ZC3H12D: variants seen among roughly 807,000 people sequenced by gnomAD.
The protein encoded by ZC3H12D is zinc finger CCCH-type containing 12D.
ZC3H12D carries 11 observed loss-of-function variants against 24.2 expected under a neutral mutation model. The observed-to-expected ratio is 0.46, with a 90% CI of 0.29 to 0.75. The LOEUF (loss-of-function observed/expected upper bound fraction) is 0.75. Among genes scored for constraint, ZC3H12D ranks in the 30% least tolerant of loss-of-function variants. The pLI, the probability that ZC3H12D is intolerant of heterozygous loss-of-function variation, is 0.11. For missense variants in ZC3H12D, 740 were observed against 767.7 expected, an observed-to-expected ratio of 0.96 and a Z score of 0.43; for synonymous variants, 333 against 341.8, an observed-to-expected ratio of 0.97 and a Z score of 0.28.
chr6:149,460,570 C>T (rs1226582596), intron 3 of ZC3H12D, among the ~76,000 whole-genome samples: 2 of 152,146 alleles, frequency 1.3e-5, no homozygotes, highest in Admixed American at 1.3e-4. Context: ...TGCGGTGGCT[C>T]ACACATGTAA....
rs475681 is a variant in ZC3H12D at position 149,456,270 on chromosome 6, A to G, written c.680+396T>C. 0.2 allele frequency among the ~76,000 whole-genome samples: 30,071 copies of G among 152,024 alleles called. 4,071 individuals carry two copies. Among genetic ancestry groups the G allele is most frequent in the East Asian group, 0.72 (3,733 of 5,172 alleles). ...CCATCTCAAAAAATAAAATAAAATAAAATAAAATAAAATAAGACAAAAACC... is the reference window on the plus strand; with the variant it reads ...CCATCTCAAAAAATAAAATAAAATAGAATAAAATAAAATAAGACAAAAACC... On this transcript the variant is annotated intron_variant, in intron 4 of 5. Transcript: ENST00000409806. This position sits in a 1 kb window ranked among gnomAD's most constrained non-coding sequence, Gnocchi z 4.3.
At chr6:149,482,739 C>T (rs115622328) in intron 1 of ZC3H12D, among the ~76,000 whole-genome samples, 2 of 152,180 alleles carry the variant, frequency 1.3e-5, no homozygotes, top group Admixed American at 6.5e-5. Flanking sequence ...GCAGCTCCCA[C>T]GGGTGCTTCC....
chr6:149,484,135 G>A (rs537182604), intron 1 of ZC3H12D, among the ~76,000 whole-genome samples: 3 of 152,294 alleles, frequency 2.0e-5, no homozygotes, highest in East Asian at 1.9e-4. Context: ...GCCTGTTCAC[G>A]AGTCAGGGAT....
chr6:149,471,157 C>G (rs1776238526), intron 2 of ZC3H12D, among the ~76,000 whole-genome samples: 1 of 152,232 alleles, frequency 6.6e-6, no homozygotes, highest in Non-Finnish European at 1.5e-5. Flanking sequence ...AGCACTGGGC[C>G]AGTGGCCCAC....
At position 149,447,684 on chromosome 6, in the gene ZC3H12D, A is replaced by G. The variant is rs976578153; in HGVS notation, c.*2999T>C. ...GGTTAACAGCTATGCAACTAGGAACATTTCATTTACCTGTCCCATCTATGT... is the reference window on the plus strand; with the variant it reads ...GGTTAACAGCTATGCAACTAGGAACGTTTCATTTACCTGTCCCATCTATGT... On this transcript the variant is annotated 3_prime_UTR_variant, in exon 6 of 6. Transcript: ENST00000409806. 2 of 152,228 alleles carry G rather than the reference A, an allele frequency of 1.3e-5. No individual in the cohort carries two copies. The highest frequency in any genetic ancestry group is 4.8e-5 in the African/African-American group (2 of 41,462). 9.4% of individuals were successfully genotyped at this position (152,228 alleles called of 1,614,324 possible). A position where few individuals can be genotyped will look rare whatever the true frequency, so the allele number is the denominator to read the frequency against.
intron 1 of ZC3H12D, among the ~76,000 whole-genome samples, chr6:149,477,149 T>C (rs939566998): frequency 2.6e-5 from 4 of 152,256 alleles, no homozygotes; most frequent in African/African-American, 9.6e-5. Context: ...TTTGACTTCA[T>C]TGTGTCAATC....
At position 149,450,951 on chromosome 6, in the gene ZC3H12D, C is replaced by T. The variant is rs1775880938; in HGVS notation, c.1316G>A (p.Arg439His). Residue 439 changes from arginine (R) to histidine (H), a missense_variant, in exon 6 of 6, where the codon CGT becomes CAT. Transcript: ENST00000409806. ...AGGGAAGCGGTCGGAGCGGGGTGGA[C>T]GGGCCCACGGGTCGTCGGGTGGCCT... Reference protein sequence around the residue: ...PRRPPDDPWARPPRSDRFPGR... With the variant: ...PRRPPDDPWAHPPRSDRFPGR... 6.5e-7 allele frequency: 1 copy of T among 1,530,668 alleles called. No individual in the cohort carries two copies. Among genetic ancestry groups the T allele is most frequent in the Non-Finnish European group, 8.8e-7 (1 of 1,140,796 alleles). 94.8% of individuals were successfully genotyped at this position (1,530,668 alleles called of 1,614,324 possible).
At chr6:149,473,637 C>T (rs1472849164) in intron 2 of ZC3H12D, among the ~76,000 whole-genome samples, 2 of 152,184 alleles carry the variant, frequency 1.3e-5, no homozygotes, top group Non-Finnish European at 2.9e-5. Flanking sequence ...GCTCAGGGGG[C>T]CACAAACAAA....
intron 1 of ZC3H12D, among the ~76,000 whole-genome samples, chr6:149,480,593 G>A (rs1183300286): frequency 2.6e-5 from 4 of 152,142 alleles, no homozygotes; most frequent in Non-Finnish European, 4.4e-5. Context: ...AGAATTAGCC[G>A]GGCGTGGTGG....
At position 149,451,094 on chromosome 6, in the gene ZC3H12D, G is replaced by A; in HGVS notation, c.1173C>T (p.Leu391=). ...GGGAGAACTGGCTCTCCGGGCTAGG[G>A]AGGCTGAGCGGGCCTGGCACCCGGC... is the stretch of plus-strand genomic sequence containing the variant. ...AGGRVPGPLS[L]PSPESQFSPG... The change falls in exon 6 of 6, where the codon CTC becomes CTT. Residue 391 remains leucine, a synonymous_variant. Transcript: ENST00000409806. 1 of 1,377,560 alleles carries A rather than the reference G, an allele frequency of 7.3e-7. No individual in the cohort carries two copies. The highest frequency in any genetic ancestry group is 1.7e-5 in the South Asian group (1 of 58,720). The allele number at this position is 1,377,560 out of a possible 1,614,324, so 85.3% of individuals were successfully genotyped here.
In ZC3H12D at chr6:149,450,374, T is replaced by C. The variant is rs890073471; in HGVS notation, c.*309A>G. 2.9e-6 allele frequency: 1 copy of C among 340,954 alleles called. No individual in the cohort carries two copies. Among genetic ancestry groups the C allele is most frequent in the African/African-American group, 2.1e-5 (1 of 46,752 alleles). 21.1% of individuals were successfully genotyped at this position (340,954 alleles called of 1,614,324 possible). ...GTGTTTGTGGTGGTGACCCACTAAA[T>C]TGATTTTGTGACCCACTTGTGGGTT... On this transcript the variant is annotated 3_prime_UTR_variant, in exon 6 of 6. Coordinates refer to ENST00000409806, the MANE Select transcript of ZC3H12D (RefSeq NM_207360.3).
rs754443711 is a variant in ZC3H12D at position 149,461,854 on chromosome 6, G to A, written c.422C>T (p.Pro141Leu). Residue 141 changes from proline to leucine, a missense_variant, in exon 3 of 6, where the codon CCA (proline) becomes CTA (leucine). Physicochemically the swap from Pro to Leu is moderately conservative, Grantham distance 98. Coordinates refer to ENST00000409806, the MANE Select transcript of ZC3H12D (RefSeq NM_207360.3). Reference sequence around the variant, plus strand: ...ACCTCTGATAGGGGTGTCAGCTCTTGGTGGGTCCTTCCTCCAGGATGGAAC... The same window carrying A: ...ACCTCTGATAGGGGTGTCAGCTCTTAGTGGGTCCTTCCTCCAGGATGGAAC... ...VFVPSWRKDP[P>L]RADTPIREQH... The A allele has an allele frequency of 1.3e-6, 2 of 1,568,990 alleles. No individual in the cohort carries two copies. The highest frequency in any genetic ancestry group is 1.7e-6 in the Non-Finnish European group (2 of 1,156,564).
rs1196950828 is a variant in ZC3H12D at position 149,452,348 on chromosome 6, G to A, written c.787+268C>T. The A allele has an allele frequency of 8.0e-6, 3 of 372,904 alleles. No individual in the cohort carries two copies. The highest frequency in any genetic ancestry group is 9.6e-6 in the Non-Finnish European group (2 of 208,868). 23.1% of individuals were successfully genotyped at this position (372,904 alleles called of 1,614,324 possible). On this transcript the variant is annotated intron_variant, in intron 5 of 5. Coordinates refer to ENST00000409806, the MANE Select transcript of ZC3H12D (RefSeq NM_207360.3). The surrounding 1 kb of genome is among the most constrained non-coding windows in gnomAD (Gnocchi z 4.0). ...CAGCTGGGTTTGTGTCCAGGCTCCCGGCTTCTCAGACACAGCTTTGCTGTG... is the reference window on the plus strand; with the variant it reads ...CAGCTGGGTTTGTGTCCAGGCTCCCAGCTTCTCAGACACAGCTTTGCTGTG...
At chr6:149,473,475 A>G (rs1472088013) in intron 2 of ZC3H12D, among the ~76,000 whole-genome samples, 1 of 152,216 alleles carries the variant, frequency 6.6e-6, no homozygotes, top group East Asian at 1.9e-4. Flanking sequence ...GCAACGCCCC[A>G]CTTCGCCCAG....
chr6:149,476,249 G>A (rs532861388), intron 1 of ZC3H12D, among the ~76,000 whole-genome samples: 17 of 152,266 alleles, frequency 1.1e-4, no homozygotes, highest in Admixed American at 4.6e-4. Context: ...GCTCATGCCC[G>A]TAATTCCAGG....
intron 2 of ZC3H12D, among the ~76,000 whole-genome samples, chr6:149,464,691 A>G (rs1583188201): frequency 6.6e-6 from 1 of 152,222 alleles, no homozygotes; most frequent in East Asian, 1.9e-4. Context: ...GACTCACTTT[A>G]AAAGCTGTTG....
chr6:149,470,088 G>A (rs964721139), intron 2 of ZC3H12D, among the ~76,000 whole-genome samples: 5 of 152,212 alleles, frequency 3.3e-5, no homozygotes, highest in East Asian at 1.9e-4. Context: ...GACCAGGCGC[G>A]GTGGCTCACA....
chr6:149,447,777 CTG>C lies in ZC3H12D; in HGVS notation c.*2904_*2905del, dbSNP rs1562469196. 1 of 152,068 alleles carries C rather than the reference CTG, an allele frequency of 6.6e-6. No individual in the cohort carries two copies. Among genetic ancestry groups the C allele is most frequent in the East Asian group, 1.9e-4 (1 of 5,196 alleles). The allele number at this position is 152,068 out of a possible 1,614,324, so 9.4% of individuals were successfully genotyped here. On this transcript the variant is annotated 3_prime_UTR_variant, in exon 6 of 6. Coordinates refer to ENST00000409806, the MANE Select transcript of ZC3H12D (RefSeq NM_207360.3). ...CAAAGGGGATTACACTTGAAATGTGCTGTGTTTTCACTTTTTTTTTTGTACTT... is the reference window on the plus strand; with the variant it reads ...CAAAGGGGATTACACTTGAAATGTGCTGTTTTCACTTTTTTTTTTGTACTT...
At chr6:149,454,760 A>G (rs889167765) in intron 4 of ZC3H12D, among the ~76,000 whole-genome samples, 2 of 152,240 alleles carry the variant, frequency 1.3e-5, no homozygotes, top group African/African-American at 2.4e-5. Context: ...TGTCCCTGAG[A>G]GCTCAGTGAG....
Sources: allele counts gnomAD v4.1 joint callset (sites outside exome capture counted in the v4.1 genomes callset), GRCh38; gene constraint gnomAD v4.1.1; non-coding constraint Gnocchi (gnomAD v3.1); transcripts MANE v1.5; gene names NCBI Gene and HGNC (gene_info 2026-07-23, HGNC 2026-07-21).